The following PLXNA4 variants were observed in gnomAD, a reference collection of about 807,000 sequenced individuals.
PLXNA4 encodes the protein plexin A4, also known as plexin-A4.
Under a neutral mutation model 191.8 loss-of-function variants are expected in PLXNA4, and 44 were observed. The observed-to-expected ratio is 0.23, with a 90% CI of 0.18 to 0.29. The LOEUF (loss-of-function observed/expected upper bound fraction) is 0.29, where lower values mean the gene tolerates loss of function less well. Among genes scored for constraint, PLXNA4 ranks in the 10% least tolerant of loss-of-function variants. The pLI is 1.00. For synonymous variants in PLXNA4, 1,082 were observed against 1,009.5 expected, an observed-to-expected ratio of 1.07 and a Z score of -1.36; for missense variants, 1,800 against 2,488.8, an observed-to-expected ratio of 0.72 and a Z score of 5.89.
At chr7:132,525,050 C>T (rs1224539835) in intron 1 of PLXNA4, among the ~76,000 whole-genome samples, 23 of 152,102 alleles carry the variant, frequency 1.5e-4, no homozygotes, top group Admixed American at 1.5e-3. Context: ...AAACCCTGTA[C>T]CCATCAAATA....
intron 2 of PLXNA4, among the ~76,000 whole-genome samples, chr7:132,588,194 G>A (rs1802535992): frequency 6.6e-6 from 1 of 152,068 alleles, no homozygotes; most frequent in African/African-American, 2.4e-5. Context: ...CTGTGAACCT[G>A]GAGGCTGGAC....
intron 3 of PLXNA4, among the ~76,000 whole-genome samples, chr7:132,475,905 G>A (rs1256100918): frequency 6.6e-6 from 1 of 152,138 alleles, no homozygotes; most frequent in Non-Finnish European, 1.5e-5. Context: ...AAGCCAAAGT[G>A]GGCGAGTCAG....
chr7:132,237,866 C>T (rs1204745321), intron 5 of PLXNA4, among the ~76,000 whole-genome samples: 1 of 152,144 alleles, frequency 6.6e-6, no homozygotes, highest in African/African-American at 2.4e-5. Context: ...AAAATCGGTA[C>T]CCGTGGACAC....
intron 10 of PLXNA4, 111 bp from the exon 11 acceptor site, chr7:132,203,530 C>T (rs907835592): frequency 2.2e-6 from 2 of 896,776 alleles, no homozygotes; most frequent in Non-Finnish European, 3.6e-6. Context: ...TAAAGACTGG[C>T]CAAGACTGTG....
At chr7:132,564,703 T>C (rs758792676) in intron 1 of PLXNA4, among the ~76,000 whole-genome samples, 19 of 152,244 alleles carry the variant, frequency 1.2e-4, no homozygotes, top group Non-Finnish European at 1.6e-4. Flanking sequence ...AAATATTTCA[T>C]AACATCATAT....
chr7:132,534,143 A>C (rs1258389891), intron 1 of PLXNA4, among the ~76,000 whole-genome samples: 1 of 152,158 alleles, frequency 6.6e-6, no homozygotes, highest in East Asian at 1.9e-4. Context: ...AGTAGTAAAG[A>C]GGAGAGGGGA....
intron 1 of PLXNA4, among the ~76,000 whole-genome samples, chr7:132,558,885 A>C (rs144852562): frequency 4.6e-5 from 7 of 152,346 alleles, no homozygotes; most frequent in Admixed American, 2.0e-4. Context: ...GGGAAAGTGT[A>C]GGGATTCCCT....
intron 7 of PLXNA4, 150 bp downstream of exon 7, chr7:132,227,301 C>T (rs993609253): frequency 5.6e-6 from 6 of 1,075,426 alleles, no homozygotes; most frequent in Non-Finnish European, 8.0e-6. Flanking sequence ...TCCCATCCCC[C>T]TCTTCCCATA....
upstream of PLXNA4, among the ~76,000 whole-genome samples, chr7:132,577,510 C>T (rs924354145): frequency 1.3e-5 from 2 of 151,822 alleles, no homozygotes; most frequent in Non-Finnish European, 2.9e-5. Flanking sequence ...ACATCTAGAG[C>T]GAGGGAGAGC....
At chr7:132,259,858 T>C (rs1799574217) in intron 4 of PLXNA4, among the ~76,000 whole-genome samples, 1 of 152,158 alleles carries the variant, frequency 6.6e-6, no homozygotes, top group Admixed American at 6.5e-5. Context: ...TATTATTAAA[T>C]GAAAGAAGCC....
intron 3 of PLXNA4, among the ~76,000 whole-genome samples, chr7:132,482,431 G>A (rs1000975622): frequency 6.6e-6 from 1 of 152,118 alleles, no homozygotes; most frequent in African/African-American, 2.4e-5. Context: ...CAACAAACCC[G>A]GGAGTGACAT....
intron 3 of PLXNA4, among the ~76,000 whole-genome samples, chr7:132,419,797 A>C (rs1003469751): frequency 2.1e-4 from 32 of 152,266 alleles, no homozygotes; most frequent in African/African-American, 7.0e-4. Context: ...CCGTTGCAGC[A>C]TGACAGCTGC....
intron 1 of PLXNA4, among the ~76,000 whole-genome samples, chr7:132,537,547 C>A (rs1799899378): frequency 6.6e-6 from 1 of 152,230 alleles, no homozygotes; most frequent in African/African-American, 2.4e-5. Context: ...AGCTAGGATT[C>A]TCTAGTTAGA....
At chr7:132,485,127 C>A in intron 3 of PLXNA4, 2 of 1,428,514 alleles carry the variant, frequency 1.4e-6, no homozygotes, top group Non-Finnish European at 9.4e-7. Flanking sequence ...CTATATACTC[C>A]TATTGCCTCT....
intron 1 of PLXNA4, among the ~76,000 whole-genome samples, chr7:132,543,073 T>A (rs1800150664): frequency 6.6e-6 from 1 of 152,258 alleles, no homozygotes; most frequent in East Asian, 1.9e-4. Flanking sequence ...GGACATTGTA[T>A]TCAAAGATTT....
chr7:132,468,758 TAC>T (rs1298349052), intron 3 of PLXNA4, among the ~76,000 whole-genome samples: 6 of 149,478 alleles, frequency 4.0e-5, no homozygotes, highest in South Asian at 2.1e-4. Context: ...ACACACACAA[TAC>T]ACACACACAA....
At chr7:132,171,645 T>C (rs76698892) in intron 21 of PLXNA4, among the ~76,000 whole-genome samples, 9,612 of 152,224 alleles carry the variant, frequency 0.063, 423 homozygotes, top group Non-Finnish European at 0.077. Flanking sequence ...CCCTTCTCTG[T>C]GTGCAAAATG....
Position 132,187,498 on chromosome 7 carries a change from A to G in PLXNA4, c.2966T>C (p.Phe989Ser), listed in dbSNP as rs1796918505. The G allele has an allele frequency of 1.2e-6, 2 of 1,613,964 alleles. No individual in the cohort carries two copies. The highest frequency in any genetic ancestry group is 1.7e-6 in the Non-Finnish European group (2 of 1,179,916). ...LNAGSNVVVM[F>S]GKQPCLFHRR... ...GTGGAAGAGACAGGGCTGCTTTCCA[A>G]ACATCACCACCACGTTGCTTCCGGC... The change falls in exon 15 of 32, where the codon TTT (phenylalanine) becomes TCT (serine). Residue 989 changes from phenylalanine to serine, a missense_variant. Transcript: ENST00000321063.
chr7:132,153,709 G>C, intron 25 of PLXNA4, among the ~76,000 whole-genome samples: 1 of 152,182 alleles, frequency 6.6e-6, no homozygotes, highest in East Asian at 1.9e-4. Context: ...GGCTCTTGAA[G>C]AGTCCCCTAC....
Sources: allele counts gnomAD v4.1 joint callset (sites outside exome capture counted in the v4.1 genomes callset), GRCh38; gene constraint gnomAD v4.1.1; transcripts MANE v1.5; gene names NCBI Gene and HGNC (gene_info 2026-07-23, HGNC 2026-07-21).